BBS4: variants seen among roughly 807,000 people sequenced by gnomAD.
BBS4 encodes BBSome complex member BBS4.
A neutral mutation model predicts 71.4 loss-of-function variants in BBS4; 58 were observed. That is an observed-to-expected ratio of 0.81 (90% CI 0.66 to 1.01). The LOEUF is 1.01. BBS4 is among the 50% of genes least tolerant of loss of function. The pLI is 0.00. For missense variants in BBS4, 660 were observed against 607.9 expected (o/e 1.09, Z -0.90); for synonymous variants, 228 against 216.8 (o/e 1.05, Z -0.46).
At chr15:72,718,917 G>A (rs572804287) in intron 6 of BBS4, among the ~76,000 whole-genome samples, 1 of 152,286 alleles carries the variant, frequency 6.6e-6, no homozygotes, top group Middle Eastern at 3.4e-3. Flanking sequence ...AGTAGGATTG[G>A]ATATAGAAAT....
At position 72,715,306 on chromosome 15, in the gene BBS4, T is replaced by C; in HGVS notation, c.236T>C (p.Leu79Pro). 1 of 1,611,516 alleles carries C rather than the reference T, an allele frequency of 6.2e-7. No homozygotes were observed. Among genetic ancestry groups the C allele is most frequent in the Non-Finnish European group, 8.5e-7 (1 of 1,177,696 alleles). ...AIYVQALIFR[L>P]EGNIQESLEL... Reference sequence around the variant, plus strand: ...TTCTTGGCAGCATTGATATTTCGCCTAGAAGGAAATATCCAAGAATCCCTA... The same window carrying C: ...TTCTTGGCAGCATTGATATTTCGCCCAGAAGGAAATATCCAAGAATCCCTA... The change falls in exon 5 of 16, where the codon CTA (leucine) becomes CCA (proline). Residue 79 changes from leucine to proline, a missense_variant. Leu to Pro is a moderately conservative substitution (Grantham distance 98). Transcript: ENST00000268057.
intron 1 of BBS4, among the ~76,000 whole-genome samples, chr15:72,688,824 G>A (rs1314697302): frequency 6.6e-6 from 1 of 152,186 alleles, no homozygotes; most frequent in Non-Finnish European, 1.5e-5. Context: ...ATCCGTAGTG[G>A]CAAAACGCTG....
At chr15:72,686,593 C>G (rs973930153) in intron 1 of BBS4, 1 of 1,363,708 alleles carries the variant, frequency 7.3e-7, no homozygotes, top group East Asian at 3.8e-5. Flanking sequence ...GTAGACAGTT[C>G]CTGTTAATCC....
In BBS4 at chr15:72,709,693, T is replaced by C. The variant is rs1287508524; in HGVS notation, c.77-7T>C. ...TGTTGTTTGTTTTGTCAAAATATGC[T>C]GCCTAGCTCCAGAGTTTCCTATTTT... On this transcript the variant is annotated splice_region_variant and splice_polypyrimidine_tract_variant and intron_variant, in intron 2 of 15. Coordinates refer to ENST00000268057, the MANE Select transcript of BBS4 (RefSeq NM_033028.5). 1 of 1,601,382 alleles carries C rather than the reference T, an allele frequency of 6.2e-7. No individual in the cohort carries two copies. The highest frequency in any genetic ancestry group is 1.1e-5 in the South Asian group (1 of 90,820).
chr15:72,701,323 A>G (rs1403359067), intron 2 of BBS4, among the ~76,000 whole-genome samples: 1 of 152,128 alleles, frequency 6.6e-6, no homozygotes, highest in African/African-American at 2.4e-5. Flanking sequence ...TCCTTGTTAT[A>G]TATATTCCAT....
intron 6 of BBS4, among the ~76,000 whole-genome samples, chr15:72,718,227 T>A (rs2065502116): frequency 6.6e-6 from 1 of 152,214 alleles, no homozygotes; most frequent in Non-Finnish European, 1.5e-5. Context: ...TTTAGCTATT[T>A]GTATTCTGTT....
chr15:72,695,370 C>A, intron 2 of BBS4, 142 bp downstream of exon 2: 1 of 555,576 alleles, frequency 1.8e-6, no homozygotes, highest in Non-Finnish European at 3.1e-6. Context: ...TCACTGCAAC[C>A]TTTGCCTCTG....
chr15:72,688,188 A>T (rs930860779), intron 1 of BBS4, among the ~76,000 whole-genome samples: 5 of 151,914 alleles, frequency 3.3e-5, no homozygotes, highest in Non-Finnish European at 7.4e-5. Flanking sequence ...TATGAACTTG[A>T]GTCTGTGACG....
At position 72,735,171 on chromosome 15, in the gene BBS4, C is replaced by A. The variant is rs778939142; in HGVS notation, c.1095C>A (p.Val365=). Residue 365 remains valine (V), a synonymous_variant, in exon 13 of 16, where the codon GTC becomes GTA. Coordinates refer to ENST00000268057, the MANE Select transcript of BBS4 (RefSeq NM_033028.5). ...ENAKRAYAEA[V]HLDKCNPLVN... ...CCAAGAGAGCCTACGCAGAAGCAGT[C>A]CACCTGGATAAGTATGCACTTTGTT... 26 of 1,613,296 alleles carry A rather than the reference C, an allele frequency of 1.6e-5. No homozygotes were observed. The South Asian group carries it at 2.3e-4, about 14-fold the overall frequency.
chr15:72,715,714 G>C (rs1258066119), intron 5 of BBS4, among the ~76,000 whole-genome samples: 1 of 152,138 alleles, frequency 6.6e-6, no homozygotes, highest in African/African-American at 2.4e-5. Context: ...GCAATCCTTG[G>C]AATTTTTCTC....
intron 2 of BBS4, chr15:72,698,076 C>G (rs1190005452): frequency 2.2e-6 from 1 of 455,288 alleles, no homozygotes; most frequent in Non-Finnish European, 4.4e-6. Context: ...TATTTTCTTC[C>G]TTAAAGGAGT....
At chr15:72,729,478 G>A in intron 9 of BBS4, 138 bp from the exon 10 acceptor site, 2 of 759,108 alleles carry the variant, frequency 2.6e-6, no homozygotes, top group East Asian at 2.7e-5. Context: ...TCGAACTCCT[G>A]ACCTCAGGTG....
intron 9 of BBS4, among the ~76,000 whole-genome samples, chr15:72,728,557 G>A (rs781721086): frequency 1.3e-5 from 2 of 152,074 alleles, no homozygotes; most frequent in African/African-American, 2.4e-5. Context: ...AATAACTCTG[G>A]TCTTGGAGGC....
chr15:72,723,793 C>T (rs963416665), intron 7 of BBS4, among the ~76,000 whole-genome samples: 7 of 152,084 alleles, frequency 4.6e-5, no homozygotes, highest in South Asian at 2.1e-4. Context: ...TTTTTCTCTT[C>T]AGAGACAATT....
chr15:72,703,623 A>G (rs2065214464), intron 2 of BBS4, among the ~76,000 whole-genome samples: 1 of 152,154 alleles, frequency 6.6e-6, no homozygotes, highest in Non-Finnish European at 1.5e-5. Context: ...AGAGAAGTGA[A>G]ATAACTTGCC....
At chr15:72,688,762 GA>G (rs990861779) in intron 1 of BBS4, among the ~76,000 whole-genome samples, 11 of 152,180 alleles carry the variant, frequency 7.2e-5, no homozygotes, top group Admixed American at 2.0e-4. Context: ...GTGTCCCACA[GA>G]AAAAAGTGTT....
At chr15:72,717,301 T>C (rs965945920) in intron 6 of BBS4, 1 of 158,120 alleles carries the variant, frequency 6.3e-6, no homozygotes, top group African/African-American at 2.4e-5. Context: ...TTTGTGTCAA[T>C]TGAGGATTGT....
chr15:72,724,691 CTA>C, intron 8 of BBS4, 36 bp downstream of exon 8: 2 of 1,611,490 alleles, frequency 1.2e-6, no homozygotes, highest in Non-Finnish European at 1.7e-6. Context: ...CAGTGAGAAA[CTA>C]AAAAAATTGA....
At position 72,736,908 on chromosome 15, in the gene BBS4, T is replaced by G. The variant is rs759827273; in HGVS notation, c.1395T>G (p.Asn465Lys). Residue 465 changes from asparagine to lysine, a missense_variant, in exon 15 of 16, where the codon AAT (asparagine) becomes AAG (lysine). Coordinates refer to ENST00000268057, the MANE Select transcript of BBS4 (RefSeq NM_033028.5). ...PASFQQPLGS[N>K]QALGQAMSSA... ...GTTTCCAGCAGCCTCTGGGCTCTAATCAAGCTCTAGGACAGGCAATGTCTT... is the reference window on the plus strand; with the variant it reads ...GTTTCCAGCAGCCTCTGGGCTCTAAGCAAGCTCTAGGACAGGCAATGTCTT... 7 of 1,614,076 alleles carry G rather than the reference T, an allele frequency of 4.3e-6. No homozygotes were observed. The South Asian group carries it at 7.7e-5, about 18-fold the overall frequency.
Sources: allele counts gnomAD v4.1 joint callset (sites outside exome capture counted in the v4.1 genomes callset), GRCh38; gene constraint gnomAD v4.1.1; transcripts MANE v1.5; gene names NCBI Gene and HGNC (gene_info 2026-07-23, HGNC 2026-07-21).